The following LRP1 variants were observed in gnomAD, a reference collection of about 807,000 sequenced individuals.
The protein encoded by LRP1 is prolow-density lipoprotein receptor-related protein 1.
In LRP1, 51 loss-of-function variants were observed where a neutral mutation model predicts 541.5. That is an observed-to-expected ratio of 0.09 (90% CI 0.08 to 0.12). The LOEUF (loss-of-function observed/expected upper bound fraction) is 0.12. Among genes scored for constraint, LRP1 ranks in the 10% least tolerant of loss-of-function variants. The probability of loss-of-function intolerance (pLI) is 1.00; values close to 1 mark genes in which losing one functional copy is unlikely to be tolerated. For synonymous variants in LRP1, 2,219 were observed against 2,470.8 expected (o/e 0.90, Z 3.02); for missense variants, 3,878 against 6,376.2 (o/e 0.61, Z 13.34).
chr12:57,210,900 C>A, intron 83 of LRP1, 21 bp downstream of exon 83: 1 of 1,600,740 alleles, frequency 6.2e-7, no homozygotes, highest in Non-Finnish European at 8.5e-7. Flanking sequence ...CATCCCTGGG[C>A]CCCAGGGCAT....
intron 19 of LRP1, chr12:57,168,051 G>A (rs1418120414): frequency 1.3e-5 from 2 of 157,306 alleles, no homozygotes; most frequent in Non-Finnish European, 2.8e-5. Context: ...TCTGTGTTGT[G>A]TTGTGACGTG....
Position 57,166,104 on chromosome 12 carries a change from G to A in LRP1, c.2692G>A (p.Asp898Asn). 6.2e-7 allele frequency: 1 copy of A among 1,614,210 alleles called. No homozygotes were observed. The highest frequency in any genetic ancestry group is 8.5e-7 in the Non-Finnish European group (1 of 1,180,046). Residue 898 changes from aspartate to asparagine, a missense_variant, in exon 17 of 89, where the codon GAC (aspartate) becomes AAC (asparagine). Physicochemically the swap from Asp to Asn is conservative, Grantham distance 23. Around this residue, in one of 13 missense-constraint regions of LRP1, gnomAD observed 496 missense variants for 861.0 expected, o/e 0.58. Coordinates refer to ENST00000243077, the MANE Select transcript of LRP1 (RefSeq NM_002332.3). ...CCCAGATCAGCACACCTGCCCCTCGGACCGATTCAAGTGCGAGAACAACCG... is the reference window on the plus strand; with the variant it reads ...CCCAGATCAGCACACCTGCCCCTCGAACCGATTCAAGTGCGAGAACAACCG... The part of the protein sequence containing the change: ...ALCHQHTCPS[D>N]RFKCENNRCI...
intron 1 of LRP1, among the ~76,000 whole-genome samples, chr12:57,136,398 C>CCG (rs1565711550): frequency 1.4e-5 from 2 of 139,376 alleles, no homozygotes. Flanking sequence ...CCTAAGAGCC[C>CCG]CCCCCCCCCG....
rs1305940593 is a variant in LRP1 at position 57,135,954 on chromosome 12, G to A, written c.68-2505G>A. Reference sequence around the variant, plus strand: ...GGCCGTGGCTGTGCGCTCTGCCCCTGGGAGGAGCAGGGCATGGACCAAGTC... The same window carrying A: ...GGCCGTGGCTGTGCGCTCTGCCCCTAGGAGGAGCAGGGCATGGACCAAGTC... On this transcript the variant is annotated intron_variant, in intron 1 of 88. Coordinates refer to ENST00000243077, the MANE Select transcript of LRP1 (RefSeq NM_002332.3). 2.6e-5 allele frequency among the ~76,000 whole-genome samples: 4 copies of A among 152,186 alleles called. No homozygotes were observed. The East Asian group carries it at 7.7e-4, about 29-fold the overall frequency.
intron 70 of LRP1, 78 bp downstream of exon 70, chr12:57,203,599 CT>C: frequency 7.1e-7 from 1 of 1,406,712 alleles, no homozygotes; most frequent in Non-Finnish European, 9.4e-7. Flanking sequence ...TTCACTCATT[CT>C]TTCTCTTCTG....
At chr12:57,195,602 G>A (rs1592651604) in intron 52 of LRP1, 56 bp from the exon 53 acceptor site, 2 of 1,612,582 alleles carry the variant, frequency 1.2e-6, no homozygotes, top group Admixed American at 3.3e-5. Context: ...TAGAGTGAGG[G>A]ACGGTCGGCC....
At chr12:57,199,624 G>A (rs1008748169) in intron 61 of LRP1, among the ~76,000 whole-genome samples, 1 of 152,172 alleles carries the variant, frequency 6.6e-6, no homozygotes, top group Non-Finnish European at 1.5e-5. Flanking sequence ...CCAGTCAAGT[G>A]GGGGTCTGGG....
At position 57,178,189 on chromosome 12, in the gene LRP1, C is replaced by A. The variant is rs1159947585; in HGVS notation, c.4362-170C>A. Among the ~76,000 whole-genome samples, 1 of 152,064 alleles carries A rather than the reference C, an allele frequency of 6.6e-6. No homozygotes were observed. Among genetic ancestry groups the A allele is most frequent in the Non-Finnish European group, 1.5e-5 (1 of 68,004 alleles). ...AACCTGGACCTGTTGGGTTCTCACA[C>A]CTTGGTCCTTCTGTCTGTCTGCTCT... On this transcript the variant is annotated intron_variant, in intron 26 of 88. Transcript: ENST00000243077. The surrounding 1 kb of genome is among the most constrained non-coding windows in gnomAD (Gnocchi z 5.8).
intron 42 of LRP1, among the ~76,000 whole-genome samples, chr12:57,190,463 A>C (rs1027106716): frequency 1.3e-5 from 2 of 152,208 alleles, no homozygotes; most frequent in Non-Finnish European, 2.9e-5. Flanking sequence ...GCCTAAGGGC[A>C]CCTAGCTGGT....
Position 57,183,831 on chromosome 12 carries a change from C to T in LRP1, c.5851C>T (p.Arg1951Trp), listed in dbSNP as rs764000860. Residue 1951 changes from arginine to tryptophan, a missense_variant, in exon 36 of 89, where the codon CGG becomes TGG. Around this residue, in one of 13 missense-constraint regions of LRP1, gnomAD observed 394 missense variants for 635.9 expected, o/e 0.62. Transcript: ENST00000243077. The surrounding 1 kb of genome is among the most constrained non-coding windows in gnomAD (Gnocchi z 6.1). Reference protein sequence around the residue: ...MGLSTISRAKRDQTWREDVVT... With the variant: ...MGLSTISRAKWDQTWREDVVT... ...CCTGAGCACGATCAGCCGGGCCAAG[C>T]GGGACCAGACGTGGCGTGAAGACGT... The T allele has an allele frequency of 6.2e-7, 1 of 1,614,136 alleles. No homozygotes were observed.
chr12:57,151,623 C>G (rs1162616612), intron 6 of LRP1, among the ~76,000 whole-genome samples: 2 of 152,240 alleles, frequency 1.3e-5, no homozygotes, highest in African/African-American at 4.8e-5. Flanking sequence ...GGCTGAAGCC[C>G]AGGACTCCAC....
intron 3 of LRP1, among the ~76,000 whole-genome samples, chr12:57,142,800 T>C (rs1592604915): frequency 6.6e-6 from 1 of 152,172 alleles, no homozygotes; most frequent in Non-Finnish European, 1.5e-5. Context: ...GCAGCATGAA[T>C]GGCTCTCGGG....
chr12:57,187,554 G>C, intron 42 of LRP1, 98 bp downstream of exon 42: 3 of 1,238,192 alleles, frequency 2.4e-6, no homozygotes, highest in Non-Finnish European at 3.3e-6. Flanking sequence ...AGGAGAGGCA[G>C]GCCCTCACTT....
rs546478160 is a variant in LRP1, at chr12:57,190,410, C to CTCA, written c.7032-393_7032-391dup. Among the ~76,000 whole-genome samples the CTCA allele has an allele frequency of 3.3e-5, 5 of 152,350 alleles. No homozygotes were observed. The East Asian group carries it at 9.6e-4, about 29-fold the overall frequency. On this transcript the variant is annotated intron_variant, in intron 42 of 88. Transcript: ENST00000243077. ...AGGCAGGTGGTGCTACCATCCCCAC[C>CTCA]TCATAGAGGAGGAAACTGAGGCACA...
At chr12:57,196,903 G>T in intron 55 of LRP1, 79 bp from the exon 56 acceptor site, 1 of 1,268,876 alleles carries the variant, frequency 7.9e-7, no homozygotes, top group Non-Finnish European at 1.1e-6. Flanking sequence ...AGAGGGAATT[G>T]GAGTCTCTGA....
chr12:57,212,206 A>T lies in LRP1; in HGVS notation c.13439A>T (p.Glu4480Val), dbSNP rs2036933649. ...ACCTACAAGATGTACGAAGGCGGAG[A>T]GCCTGATGATGTGGGAGGCCTACTG... Reference protein sequence around the residue: ...NPTYKMYEGGEPDDVGGLLDA... With the variant: ...NPTYKMYEGGVPDDVGGLLDA... The change falls in exon 88 of 89, where the codon GAG becomes GTG. Residue 4480 changes from glutamate to valine, a missense_variant. Physicochemically the swap from Glu to Val is moderately radical, Grantham distance 121. Transcript: ENST00000243077. The surrounding 1 kb of genome is among the most constrained non-coding windows in gnomAD (Gnocchi z 5.0). 6 of 1,613,816 alleles carry T rather than the reference A, an allele frequency of 3.7e-6. No individual in the cohort carries two copies. Among genetic ancestry groups the T allele is most frequent in the Non-Finnish European group, 5.1e-6 (6 of 1,180,014 alleles).
rs1480519207 is a variant in LRP1 at position 57,197,674 on chromosome 12, G to GCGGC, written c.9282+12_9282+15dup. On this transcript the variant is annotated intron_variant, in intron 58 of 88. Transcript: ENST00000243077. This position sits in a 1 kb window ranked among gnomAD's most constrained non-coding sequence, Gnocchi z 4.5. ...CGGGAGCAATGTGCAGGTGAGGCGG[G>GCGGC]CGGCCCTCGGCGACCAACACTGGCC... 13 of 1,611,538 alleles carry GCGGC rather than the reference G, an allele frequency of 8.1e-6. No homozygotes were observed.
chr12:57,208,327 A>G (rs1174011143), intron 77 of LRP1, 111 bp downstream of exon 77: 1 of 1,201,188 alleles, frequency 8.3e-7, no homozygotes, highest in African/African-American at 1.5e-5. Context: ...CAGCCTGAGG[A>G]CAGAGTCCTT....
intron 6 of LRP1, chr12:57,146,571 G>A (rs2035410892): frequency 6.6e-6 from 1 of 152,240 alleles, no homozygotes. Flanking sequence ...CATTCTGGGA[G>A]AGAGAAAGGC....
Sources: gnomAD v4.1 joint callset for allele counts (sites outside exome capture counted in the v4.1 genomes callset) on GRCh38, gnomAD v4.1.1 for gene constraint, gnomAD v4.1.1 regional missense constraint, Gnocchi (gnomAD v3.1) non-coding constraint, MANE v1.5 for transcripts, NCBI Gene and HGNC (gene_info 2026-07-23, HGNC 2026-07-21) for gene names.